Variants in TEN1 observed in about 807,000 individuals in gnomAD.
TEN1 encodes the protein TEN1 subunit of CST complex.
In TEN1, 6 loss-of-function variants were observed where a neutral mutation model predicts 9.3. The ratio of observed to expected loss-of-function variants is 0.65; its 90% CI spans 0.35 to 1.27. The LOEUF (loss-of-function observed/expected upper bound fraction) is 1.27, where lower values mean the gene tolerates loss of function less well. TEN1 is among the 50% of genes most tolerant of loss of function. The pLI is 0.03. For missense variants in TEN1, 149 were observed against 158.2 expected (o/e 0.94, Z 0.31); for synonymous variants, 65 against 65.6 (o/e 0.99, Z 0.04).
chr17:76,000,327 C>T lies in TEN1; in HGVS notation c.*65C>T. The T allele has an allele frequency of 1.3e-6, 2 of 1,507,686 alleles. No homozygotes were observed. The highest frequency in any genetic ancestry group is 1.8e-6 in the Non-Finnish European group (2 of 1,122,950). 93.4% of individuals were successfully genotyped at this position (1,507,686 alleles called of 1,614,324 possible). A position where few individuals can be genotyped will look rare whatever the true frequency, so the allele number is the denominator to read the frequency against. On this transcript the variant is annotated 3_prime_UTR_variant, in exon 4 of 4. Coordinates refer to ENST00000397640, the MANE Select transcript of TEN1 (RefSeq NM_001113324.3). The surrounding 1 kb of genome is among the most constrained non-coding windows in gnomAD (Gnocchi z 5.9). ...CCGAACCCTCTGGAGCTGCAGGAGC[C>T]CGGGAGAGCACAGACGCCTCCCCAG...
chr17:75,992,893 T>C (rs2144357571), intron 3 of TEN1, among the ~76,000 whole-genome samples: 1 of 147,750 alleles, frequency 6.8e-6, no homozygotes, highest in East Asian at 2.1e-4. Context: ...TCCAGCTCCC[T>C]GGATCAAGCG....
intron 1 of TEN1, 124 bp downstream of exon 1, chr17:75,979,635 G>C (rs1159507414): frequency 1.1e-5 from 2 of 182,862 alleles, no homozygotes; most frequent in East Asian, 3.1e-4. Context: ...AGGCCTCTCC[G>C]AAATGAGAGT....
intron 1 of TEN1, among the ~76,000 whole-genome samples, chr17:75,985,689 TA>T (rs1321718869): frequency 6.6e-6 from 1 of 151,956 alleles, no homozygotes; most frequent in Non-Finnish European, 1.5e-5. Context: ...CATGCCCGGC[TA>T]ATTTTGTATT....
At chr17:75,993,398 T>C (rs1408488979) in intron 3 of TEN1, among the ~76,000 whole-genome samples, 1 of 152,024 alleles carries the variant, frequency 6.6e-6, no homozygotes, top group Non-Finnish European at 1.5e-5. Context: ...CTACCGCGCC[T>C]GGCCTGGAAA....
chr17:75,979,945 TC>T (rs2066104032), intron 1 of TEN1, among the ~76,000 whole-genome samples: 1 of 151,766 alleles, frequency 6.6e-6, no homozygotes, highest in South Asian at 2.1e-4. Context: ...CCAGACATTT[TC>T]CCCCGCAACC....
chr17:76,000,100 G>GTTGAA lies in TEN1; in HGVS notation c.251-41_251-40insTTGAA. 1 of 1,542,940 alleles carries GTTGAA rather than the reference G, an allele frequency of 6.5e-7. No homozygotes were observed. Among genetic ancestry groups the GTTGAA allele is most frequent in the Non-Finnish European group, 8.8e-7 (1 of 1,141,114 alleles). On this transcript the variant is annotated intron_variant, in intron 3 of 3. Transcript: ENST00000397640. This position sits in a 1 kb window ranked among gnomAD's most constrained non-coding sequence, Gnocchi z 5.9. ...GCACCTTGGAGGACGTTGTTGACAC[G>GTTGAA]CCGCTCAGTCGCCGTTCGTGCCCTG...
intron 3 of TEN1, among the ~76,000 whole-genome samples, chr17:75,998,068 T>C (rs1459276047): frequency 2.0e-5 from 3 of 152,146 alleles, no homozygotes; most frequent in Admixed American, 2.0e-4. Flanking sequence ...GCCAGGCTGG[T>C]CTTCAGCTCC....
At chr17:75,982,308 A>G (rs1271918393) in intron 1 of TEN1, among the ~76,000 whole-genome samples, 1 of 152,146 alleles carries the variant, frequency 6.6e-6, no homozygotes, top group Non-Finnish European at 1.5e-5. Flanking sequence ...AAAATGTACA[A>G]TTTCCCCTGT....
chr17:75,987,916 C>CAAA (rs34957837), intron 2 of TEN1, among the ~76,000 whole-genome samples: 7 of 51,220 alleles, frequency 1.4e-4, no homozygotes, highest in Non-Finnish European at 2.2e-4. Flanking sequence ...GACTCCATCT[C>CAAA]AAAAAAAAAA....
intron 3 of TEN1, among the ~76,000 whole-genome samples, chr17:75,998,947 A>G (rs921991871): frequency 6.6e-6 from 1 of 151,976 alleles, no homozygotes. Flanking sequence ...CATCTCGGAA[A>G]TCTATTTATT....
Position 75,991,450 on chromosome 17 carries a change from T to A in TEN1, c.93-16T>A. ...TACGTATGGATGGAAATTATTGCAT[T>A]TCTTCTGCCTTCCAGGTTGTGCCTC... is the stretch of plus-strand genomic sequence containing the variant. On this transcript the variant is annotated splice_polypyrimidine_tract_variant and intron_variant, in intron 2 of 3. Coordinates refer to ENST00000397640, the MANE Select transcript of TEN1 (RefSeq NM_001113324.3). 6.4e-7 allele frequency: 1 copy of A among 1,551,806 alleles called. No homozygotes were observed. The highest frequency in any genetic ancestry group is 8.7e-7 in the Non-Finnish European group (1 of 1,146,956).
Position 75,986,284 on chromosome 17 carries a change from G to T in TEN1, c.92G>T (p.Arg31Met), listed in dbSNP as rs2066152086. Residue 31 changes from arginine (R) to methionine (M), a missense_variant and splice_region_variant, in exon 2 of 4, where the codon AGG becomes ATG. Arg to Met is a moderately conservative substitution (Grantham distance 91). Transcript: ENST00000397640. ...PDGSTLRTFG[R>M]LCLYDMIQSR... ...GGGAGCACGCTGAGAACATTTGGCA[G>T]GTGAGAACGGTTATTTTTTTCACTG... 2.6e-6 allele frequency: 4 copies of T among 1,543,898 alleles called. No individual in the cohort carries two copies. Among genetic ancestry groups the T allele is most frequent in the Non-Finnish European group, 3.5e-6 (4 of 1,143,410 alleles).
chr17:75,988,561 C>CAAAAAAAAAA (rs1189354019), intron 2 of TEN1, among the ~76,000 whole-genome samples: 3 of 28,982 alleles, frequency 1.0e-4, no homozygotes, highest in Non-Finnish European at 1.8e-4. Flanking sequence ...GATCCTGCCT[C>CAAAAAAAAAA]AAAAAAAAAA....
chr17:75,987,916 C>CAAAAAA (rs34957837), intron 2 of TEN1, among the ~76,000 whole-genome samples: 4 of 51,232 alleles, frequency 7.8e-5, no homozygotes, highest in Admixed American at 2.7e-4. Context: ...GACTCCATCT[C>CAAAAAA]AAAAAAAAAA....
intron 3 of TEN1, among the ~76,000 whole-genome samples, chr17:75,993,356 G>A (rs1462384513): frequency 2.0e-5 from 3 of 152,024 alleles, no homozygotes; most frequent in African/African-American, 7.2e-5. Flanking sequence ...GCCCGCCTCG[G>A]CCTCCCAAAG....
intron 2 of TEN1, among the ~76,000 whole-genome samples, chr17:75,986,682 CAA>C (rs1358505553): frequency 6.6e-6 from 1 of 151,446 alleles, no homozygotes; most frequent in Non-Finnish European, 1.5e-5. Context: ...GCCTGGGCGA[CAA>C]GAGCAAAACT....
At chr17:75,985,698 A>G (rs1262743566) in intron 1 of TEN1, among the ~76,000 whole-genome samples, 2 of 151,370 alleles carry the variant, frequency 1.3e-5, no homozygotes, top group Non-Finnish European at 2.9e-5. Context: ...CTAATTTTGT[A>G]TTTTTAGTAG....
At chr17:75,986,308 T>A (rs1223662546) in intron 2 of TEN1, 24 bp downstream of exon 2, 7 of 1,528,042 alleles carry the variant, frequency 4.6e-6, no homozygotes, top group Non-Finnish European at 6.2e-6. Context: ...TTTTTTTCAC[T>A]GGTGGGGGTG....
intron 1 of TEN1, 67 bp from the exon 2 acceptor site, chr17:75,986,120 T>G: frequency 1.6e-6 from 2 of 1,240,326 alleles, no homozygotes; most frequent in Non-Finnish European, 2.2e-6. Flanking sequence ...TATCTGCTAA[T>G]CTCTGTTTTG....
Sources: gnomAD v4.1 joint callset for allele counts (sites outside exome capture counted in the v4.1 genomes callset) on GRCh38, gnomAD v4.1.1 for gene constraint, Gnocchi (gnomAD v3.1) non-coding constraint, MANE v1.5 for transcripts, NCBI Gene and HGNC (gene_info 2026-07-23, HGNC 2026-07-21) for gene names.